GRID2: variants seen among roughly 807,000 people sequenced by gnomAD.
The protein encoded by GRID2 is glutamate receptor ionotropic, delta-2.
A neutral mutation model predicts 114.8 loss-of-function variants in GRID2; 33 were observed. The observed-to-expected ratio is 0.29, with a 90% CI of 0.22 to 0.38. GRID2 has a LOEUF of 0.38. Ranked by LOEUF, GRID2 falls within the 10% of genes least tolerant of loss-of-function variation. The pLI is 1.00. For synonymous variants in GRID2, 505 were observed against 449.9 expected (o/e 1.12, Z -1.55); for missense variants, 1,184 against 1,257.7 (o/e 0.94, Z 0.89).
At chr4:92,337,331 G>A (rs769439321) in intron 1 of GRID2, among the ~76,000 whole-genome samples, 52 of 151,982 alleles carry the variant, frequency 3.4e-4, no homozygotes, top group Non-Finnish European at 6.9e-4. Flanking sequence ...ATAATATTGC[G>A]ATGAGTTCAG....
intron 2 of GRID2, among the ~76,000 whole-genome samples, chr4:92,891,567 T>A (rs1746787371): frequency 6.6e-6 from 1 of 152,210 alleles, no homozygotes; most frequent in African/African-American, 2.4e-5. Context: ...AGCAGCATTT[T>A]TTTTTAAGAA....
At chr4:92,915,254 A>G (rs148898023) in intron 2 of GRID2, among the ~76,000 whole-genome samples, 1 of 152,162 alleles carries the variant, frequency 6.6e-6, no homozygotes, top group African/African-American at 2.4e-5. Flanking sequence ...ATTATGTCCT[A>G]TTAGCCTTAT....
At chr4:92,440,661 T>C (rs928811075) in intron 1 of GRID2, among the ~76,000 whole-genome samples, 6 of 152,152 alleles carry the variant, frequency 3.9e-5, no homozygotes, top group African/African-American at 9.6e-5. Context: ...TGGCTTGTAC[T>C]ATAGCATAAC....
At chr4:93,489,003 T>G (rs553266703) in intron 11 of GRID2, among the ~76,000 whole-genome samples, 195 of 152,072 alleles carry the variant, frequency 1.3e-3, no homozygotes, top group African/African-American at 3.7e-3. Context: ...AATAATTTAG[T>G]CCATAACACA....
chr4:93,281,459 G>T (rs1007304071), intron 8 of GRID2, among the ~76,000 whole-genome samples: 1 of 151,920 alleles, frequency 6.6e-6, no homozygotes, highest in Non-Finnish European at 1.5e-5. Flanking sequence ...GACTTTAAGC[G>T]ACATGTTGAG....
chr4:93,684,053 T>A (rs910701705), intron 14 of GRID2, among the ~76,000 whole-genome samples: 1 of 152,106 alleles, frequency 6.6e-6, no homozygotes, highest in Non-Finnish European at 1.5e-5. Flanking sequence ...AAGGAAGATA[T>A]AAAATTATAT....
At chr4:93,371,191 G>T (rs1475283954) in intron 8 of GRID2, among the ~76,000 whole-genome samples, 1 of 152,154 alleles carries the variant, frequency 6.6e-6, no homozygotes, top group Admixed American at 6.6e-5. Flanking sequence ...GAGACTATTA[G>T]GGTTGCTTGA....
chr4:92,857,567 A>G (rs1034107531), intron 2 of GRID2, among the ~76,000 whole-genome samples: 1 of 152,192 alleles, frequency 6.6e-6, no homozygotes, highest in African/African-American at 2.4e-5. Flanking sequence ...ATGAATGTGA[A>G]AGAGGTAAGG....
chr4:93,343,689 A>T (rs1759894814), intron 8 of GRID2, among the ~76,000 whole-genome samples: 1 of 151,970 alleles, frequency 6.6e-6, no homozygotes, highest in African/African-American at 2.4e-5. Flanking sequence ...AATTTTTTTA[A>T]ATGTTTGGTA....
intron 1 of GRID2, among the ~76,000 whole-genome samples, chr4:92,494,364 A>G (rs564106822): frequency 6.6e-6 from 1 of 152,120 alleles, no homozygotes; most frequent in South Asian, 2.1e-4. Context: ...TACATGTATA[A>G]AGGAGGGAAT....
chr4:93,239,227 CAT>C (rs1747180161), intron 8 of GRID2, among the ~76,000 whole-genome samples: 2 of 147,702 alleles, frequency 1.4e-5, no homozygotes, highest in African/African-American at 2.5e-5. Flanking sequence ...CACACACACA[CAT>C]ATAGATATAT....
intron 12 of GRID2, among the ~76,000 whole-genome samples, chr4:93,500,117 TG>T (rs1307414092): frequency 1.3e-5 from 2 of 152,052 alleles, no homozygotes; most frequent in East Asian, 1.9e-4. Flanking sequence ...TTCTAAGTTA[TG>T]TGGTATGCAA....
intron 2 of GRID2, among the ~76,000 whole-genome samples, chr4:93,020,062 A>G (rs1723135270): frequency 6.6e-6 from 1 of 152,192 alleles, no homozygotes; most frequent in Non-Finnish European, 1.5e-5. Context: ...TTCACAATTT[A>G]TAAAACGGGA....
At chr4:93,738,201 TAGAG>T (rs1331042898) in intron 14 of GRID2, among the ~76,000 whole-genome samples, 1 of 152,092 alleles carries the variant, frequency 6.6e-6, no homozygotes, top group African/African-American at 2.4e-5. Context: ...TTAGTGTAAT[TAGAG>T]AGACTCCTGG....
At chr4:92,996,778 T>TAGAC (rs540145623) in intron 2 of GRID2, among the ~76,000 whole-genome samples, 63 of 152,284 alleles carry the variant, frequency 4.1e-4, no homozygotes, top group Non-Finnish European at 7.1e-4. Flanking sequence ...GCAGGCCTAA[T>TAGAC]GTCTTGTAGC....
At chr4:93,307,170 C>A (rs1032432394) in intron 8 of GRID2, among the ~76,000 whole-genome samples, 1 of 150,758 alleles carries the variant, frequency 6.6e-6, no homozygotes, top group Non-Finnish European at 1.5e-5. Flanking sequence ...CCACTACACT[C>A]CAGCCTGGGC....
intron 2 of GRID2, among the ~76,000 whole-genome samples, chr4:92,788,510 A>C (rs1314906057): frequency 1.6e-4 from 25 of 151,978 alleles, no homozygotes; most frequent in Non-Finnish European, 1.5e-5. Context: ...GAGAACATGC[A>C]AGAATTTTTT....
chr4:93,157,598 T>C (rs1188144532), intron 4 of GRID2, among the ~76,000 whole-genome samples: 1 of 151,782 alleles, frequency 6.6e-6, no homozygotes, highest in East Asian at 1.9e-4. Context: ...CTTTATTTCC[T>C]GATACATGCA....
intron 10 of GRID2, among the ~76,000 whole-genome samples, chr4:93,443,902 A>G (rs1721854857): frequency 6.6e-6 from 1 of 151,112 alleles, no homozygotes; most frequent in Non-Finnish European, 1.5e-5. Flanking sequence ...AAGTAAGTTG[A>G]GAGAGAGAGA....
Sources: gnomAD v4.1 joint callset for allele counts (sites outside exome capture counted in the v4.1 genomes callset) on GRCh38, gnomAD v4.1.1 for gene constraint, MANE v1.5 for transcripts, NCBI Gene and HGNC (gene_info 2026-07-23, HGNC 2026-07-21) for gene names.